XRN1: variants seen among roughly 807,000 people sequenced by gnomAD.
XRN1 encodes 5'-3' exoribonuclease 1, also known as strand-exchange protein 1 homolog.
Under a neutral mutation model 222.3 loss-of-function variants are expected in XRN1, and 67 were observed. The observed-to-expected ratio is 0.30, with a 90% CI of 0.25 to 0.37. The LOEUF is 0.37. Among genes scored for constraint, XRN1 ranks in the 10% least tolerant of loss-of-function variants. XRN1 has a pLI of 1.00. For missense variants in XRN1, 1,707 were observed against 2,000.2 expected (o/e 0.85, Z 2.80); for synonymous variants, 643 against 652.4 (o/e 0.99, Z 0.22).
At chr3:142,434,397 C>T (rs542797743) in intron 1 of XRN1, among the ~76,000 whole-genome samples, 2 of 151,998 alleles carry the variant, frequency 1.3e-5, no homozygotes, top group Admixed American at 6.6e-5. Context: ...CTTGAATTCC[C>T]GAGCTCAAGC....
At chr3:142,352,212 A>G (rs1245849986) in intron 32 of XRN1, among the ~76,000 whole-genome samples, 1 of 152,028 alleles carries the variant, frequency 6.6e-6, no homozygotes, top group African/African-American at 2.4e-5. Flanking sequence ...TTTCTTAAAG[A>G]CCCTGTCATC....
chr3:142,355,468 C>T lies in XRN1; in HGVS notation c.3701G>A (p.Cys1234Tyr). 4 of 1,597,852 alleles carry T rather than the reference C, an allele frequency of 2.5e-6. No individual in the cohort carries two copies. Among genetic ancestry groups the T allele is most frequent in the Non-Finnish European group, 3.4e-6 (4 of 1,170,502 alleles). The change falls in exon 32 of 41, where the codon TGC (cysteine) becomes TAC (tyrosine). Residue 1234 changes from cysteine (C) to tyrosine (Y), a missense_variant. Transcript: ENST00000392981. ...TCCCTGTAAGGACTGCCAAATGTTG[C>T]AGAATTCATCATCATCTTTAGTAGG... ...QVPTKDDDEF[C>Y]NIWQSLQGSG...
chr3:142,418,810 C>T lies in XRN1; in HGVS notation c.1240+5G>A, dbSNP rs764071277. ...AACATATCAAAACACATACTTCATA[C>T]TTACCCTTAGAAGTTATCATTTCGC... On this transcript the variant is annotated splice_donor_5th_base_variant and intron_variant, in intron 11 of 40. Transcript: ENST00000392981. 6.2e-7 allele frequency: 1 copy of T among 1,613,528 alleles called. No homozygotes were observed. Among genetic ancestry groups the T allele is most frequent in the Non-Finnish European group, 8.5e-7 (1 of 1,179,556 alleles).
chr3:142,342,390 G>A (rs2066021015), intron 33 of XRN1, among the ~76,000 whole-genome samples: 1 of 152,108 alleles, frequency 6.6e-6, no homozygotes, highest in South Asian at 2.1e-4. Context: ...CAGATTCAAT[G>A]CAATCCCTGT....
chr3:142,318,602 G>T lies in XRN1; in HGVS notation c.4611C>A (p.Pro1537=). Residue 1537 remains proline, a synonymous_variant, in exon 39 of 41, where the codon CCC becomes CCA. Transcript: ENST00000392981. ...TGAAAAATATCTTACCAGTAGGTGG[G>T]GGAAAGGCTGGAGGAATGGTTCCAG... ...VPPGTIPPAF[P]PPTANIMPSS... is the part of the protein sequence containing the mutation. 1 of 1,605,278 alleles carries T rather than the reference G, an allele frequency of 6.2e-7. No individual in the cohort carries two copies. Among genetic ancestry groups the T allele is most frequent in the Non-Finnish European group, 8.5e-7 (1 of 1,176,376 alleles).
At chr3:142,374,835 G>A (rs908767401) in intron 25 of XRN1, among the ~76,000 whole-genome samples, 7 of 152,152 alleles carry the variant, frequency 4.6e-5, no homozygotes, top group Admixed American at 4.6e-4. Flanking sequence ...ACTTTATTTG[G>A]AAATAGGGTT....
At position 142,312,661 on chromosome 3, in the gene XRN1, A is replaced by C; in HGVS notation, c.4719T>G (p.Ser1573=). 1.9e-6 allele frequency: 3 copies of C among 1,613,886 alleles called. No individual in the cohort carries two copies. The highest frequency in any genetic ancestry group is 2.5e-6 in the Non-Finnish European group (3 of 1,179,788). ...PGKPFHHTLY[S]GTMPMAGGIP... is the part of the protein sequence containing the mutation. ...TTCCCCCAGCCATGGGCATGGTCCC[A>C]GAATATAAAGTATGATGGAAGGGCT... is the stretch of plus-strand genomic sequence containing the variant. Residue 1573 remains serine, a synonymous_variant, in exon 40 of 41, where the codon TCT becomes TCG. Coordinates refer to ENST00000392981, the MANE Select transcript of XRN1 (RefSeq NM_001282857.2).
chr3:142,357,042 C>G lies in XRN1; in HGVS notation c.3542G>C (p.Gly1181Ala). Residue 1181 changes from glycine (G) to alanine (A), a missense_variant, in exon 31 of 41, where the codon GGA (glycine) becomes GCA (alanine). This residue lies in a region of XRN1 where 1,234 missense variants were observed against 1,518.2 expected (regional missense o/e 0.81). Transcript: ENST00000392981. ...TACGATGGCTGTCAACTTCTGATTT[C>G]CAGTTTCAGAGCGACTCCCATGAGA... Reference protein sequence around the residue: ...NLSHGSRSETGNQKLTAIVKP... With the variant: ...NLSHGSRSETANQKLTAIVKP... 1 of 1,613,888 alleles carries G rather than the reference C, an allele frequency of 6.2e-7. No homozygotes were observed. The highest frequency in any genetic ancestry group is 8.5e-7 in the Non-Finnish European group (1 of 1,179,950).
At chr3:142,413,246 CA>C (rs1428792135) in intron 14 of XRN1, among the ~76,000 whole-genome samples, 3 of 152,164 alleles carry the variant, frequency 2.0e-5, no homozygotes, top group Non-Finnish European at 2.9e-5. Flanking sequence ...AGTATACTCT[CA>C]GGGTAATATT....
chr3:142,419,538 G>A (rs1475509036), intron 10 of XRN1, among the ~76,000 whole-genome samples: 7 of 152,108 alleles, frequency 4.6e-5, no homozygotes, highest in Admixed American at 2.6e-4. Context: ...GGCCGGGCAC[G>A]GTGGCTCACG....
In XRN1 at chr3:142,313,237, T is replaced by A. The variant is rs546865136; in HGVS notation, c.4622-479A>T. 60 of 1,524,352 alleles carry A rather than the reference T, an allele frequency of 3.9e-5. No homozygotes were observed. The South Asian group carries it at 7.2e-4, about 18-fold the overall frequency. The allele number at this position is 1,524,352 out of a possible 1,614,324, so 94.4% of individuals were successfully genotyped here. A position where few individuals can be genotyped will look rare whatever the true frequency, so the allele number is the denominator to read the frequency against. ...CATCACCTTCATATGACAGGTAGAA[T>A]CTTTCTTTTCTCTATTTTAATATTT... On this transcript the variant is annotated intron_variant, in intron 39 of 40. Transcript: ENST00000392981.
chr3:142,406,901 C>A (rs1366574459), intron 15 of XRN1, among the ~76,000 whole-genome samples: 4 of 152,196 alleles, frequency 2.6e-5, no homozygotes, highest in Non-Finnish European at 5.9e-5. Flanking sequence ...AGCTTCCCTG[C>A]AGTAAGCACA....
chr3:142,362,620 C>A (rs2066680907), intron 29 of XRN1, among the ~76,000 whole-genome samples: 1 of 147,044 alleles, frequency 6.8e-6, no homozygotes, highest in Non-Finnish European at 1.5e-5. Flanking sequence ...CATCCCTCCC[C>A]TGGCCTTTTT....
intron 1 of XRN1, among the ~76,000 whole-genome samples, chr3:142,440,031 C>G (rs2070129536): frequency 6.7e-6 from 1 of 149,238 alleles, no homozygotes; most frequent in African/African-American, 2.4e-5. Flanking sequence ...CCAGATGATC[C>G]AGCAGCAGGA....
chr3:142,418,509 T>C lies in XRN1; in HGVS notation c.1341A>G (p.Val447=). 1 of 1,605,624 alleles carries C rather than the reference T, an allele frequency of 6.2e-7. No homozygotes were observed. Among genetic ancestry groups the C allele is most frequent in the Non-Finnish European group, 8.5e-7 (1 of 1,175,938 alleles). The change falls in exon 12 of 41, where the codon GTA becomes GTG. Residue 447 remains valine (V), a synonymous_variant. Transcript: ENST00000392981. ...AAGCATTGGCAAAAACGTACTCAGA[T>C]ACTACGTCAACCCCCATCTTCGTCA... The part of the protein sequence containing the change: ...YYMTKMGVDV[V]SDDFLADQAA...
At position 142,311,280 on chromosome 3, in the gene XRN1, T is replaced by A. The variant is rs908734864; in HGVS notation, c.*231A>T. On this transcript the variant is annotated 3_prime_UTR_variant, in exon 41 of 41. Transcript: ENST00000392981. ...GTTTAATTTAGTTTTTTATTACAGA[T>A]TTATTGAGGTATAATTGACATACAA... 2 of 339,920 alleles carry A rather than the reference T, an allele frequency of 5.9e-6. No individual in the cohort carries two copies. 21.1% of individuals were successfully genotyped at this position (339,920 alleles called of 1,614,324 possible).
intron 1 of XRN1, among the ~76,000 whole-genome samples, chr3:142,445,579 T>C (rs1227824847): frequency 6.6e-6 from 1 of 152,248 alleles, no homozygotes; most frequent in African/African-American, 2.4e-5. Context: ...CTTTGTGGTT[T>C]GTTTTCTAAG....
chr3:142,364,239 ATAGT>A (rs2066746870), intron 29 of XRN1, among the ~76,000 whole-genome samples: 1 of 152,142 alleles, frequency 6.6e-6, no homozygotes, highest in Non-Finnish European at 1.5e-5. Flanking sequence ...TACTTTTGGG[ATAGT>A]GAGACCAAGA....
chr3:142,385,091 A>C (rs372996453), intron 20 of XRN1, among the ~76,000 whole-genome samples: 7 of 152,220 alleles, frequency 4.6e-5, no homozygotes, highest in African/African-American at 1.7e-4. Flanking sequence ...AGCAACATAT[A>C]ATTAACACAT....
Sources: gnomAD v4.1 joint callset for allele counts (sites outside exome capture counted in the v4.1 genomes callset) on GRCh38, gnomAD v4.1.1 for gene constraint, gnomAD v4.1.1 regional missense constraint, MANE v1.5 for transcripts, NCBI Gene and HGNC (gene_info 2026-07-23, HGNC 2026-07-21) for gene names.